The following FKBP11 variants were observed in gnomAD, a reference collection of about 807,000 sequenced individuals.
FKBP11 encodes the protein peptidyl-prolyl cis-trans isomerase FKBP11.
Under a neutral mutation model 24.7 loss-of-function variants are expected in FKBP11, and 21 were observed. That is an observed-to-expected ratio of 0.85 (90% CI 0.60 to 1.23). The LOEUF is 1.23. Ranked by LOEUF, FKBP11 falls within the 50% of genes most tolerant of loss-of-function variation. The pLI, the probability that FKBP11 is intolerant of heterozygous loss-of-function variation, is 0.00. For synonymous variants in FKBP11, 106 were observed against 100.6 expected, an observed-to-expected ratio of 1.05 and a Z score of -0.32; for missense variants, 245 against 248.7, an observed-to-expected ratio of 0.99 and a Z score of 0.10.
At chr12:48,937,456 C>G in the FKBP11 span, 2 of 152,554 alleles carry the variant, frequency 1.3e-5, no homozygotes, top group Non-Finnish European at 2.9e-5. Flanking sequence ...GACAGAGAGA[C>G]GCAGTAGCAA....
chr12:48,927,710 T>C (rs1026826435), upstream of FKBP11, among the ~76,000 whole-genome samples: 9 of 152,162 alleles, frequency 5.9e-5, no homozygotes, highest in Admixed American at 1.3e-4. Flanking sequence ...TCATCTTTCC[T>C]TCCTTCTGTC....
chr12:48,924,382 C>A, intron 3 of FKBP11, 126 bp from the exon 4 acceptor site: 1 of 1,314,504 alleles, frequency 7.6e-7, no homozygotes, highest in Non-Finnish European at 1.1e-6. Flanking sequence ...TCTCTGGCTT[C>A]CAATAGGATA....
upstream of FKBP11, among the ~76,000 whole-genome samples, chr12:48,928,814 C>CTTTTT (rs1940013193): frequency 8.3e-6 from 1 of 120,332 alleles, no homozygotes; most frequent in African/African-American, 3.0e-5. Flanking sequence ...AAATAAACTT[C>CTTTTT]TATCTTTTTT....
Position 48,924,637 on chromosome 12 carries a change from T to G in FKBP11, c.207A>C (p.Val69=). 6.2e-7 allele frequency: 1 copy of G among 1,613,994 alleles called. No homozygotes were observed. The highest frequency in any genetic ancestry group is 1.1e-5 in the South Asian group (1 of 91,068). Residue 69 remains valine (V), a synonymous_variant, in exon 3 of 6, where the codon GTA becomes GTC. Coordinates refer to ENST00000550765, the MANE Select transcript of FKBP11 (RefSeq NM_016594.3). The part of the protein sequence containing the change: ...TLHIHYTGSL[V]DGRIIDTSLT... ...GGGAGGTGTCAATAATACGTCCATC[T>G]ACCAAGCTTCCCTGGGGGGAGAGAG...
chr12:48,924,796 C>A, intron 2 of FKBP11, 148 bp from the exon 3 acceptor site: 1 of 1,462,742 alleles, frequency 6.8e-7, no homozygotes, highest in Non-Finnish European at 9.0e-7. Flanking sequence ...CAGGAAGCCC[C>A]AGAAGGCTGG....
chr12:48,938,452 A>C, the FKBP11 span: 1 of 453,458 alleles, frequency 2.2e-6, no homozygotes, highest in East Asian at 7.0e-5. Flanking sequence ...CCCCACAAAT[A>C]TATCTCTCTA....
upstream of FKBP11, among the ~76,000 whole-genome samples, chr12:48,929,398 T>A (rs915075916): frequency 2.0e-5 from 3 of 152,056 alleles, no homozygotes; most frequent in Non-Finnish European, 4.4e-5. Flanking sequence ...CAGTAAGCCA[T>A]GATCACGCCA....
intron 5 of FKBP11, chr12:48,922,568 G>C: frequency 9.9e-7 from 1 of 1,006,482 alleles, no homozygotes; most frequent in Non-Finnish European, 1.2e-6. Flanking sequence ...TCTTTGCAGG[G>C]CTGAAATTAA....
At position 48,925,455 on chromosome 12, in the gene FKBP11, G is replaced by A; in HGVS notation, c.-27C>T. Reference sequence around the variant, plus strand: ...ACTGGGCGCGGGGCAGGGAGCCGGGGCACCAGGACAGGCTGTTCGGGTGGC... The same window carrying A: ...ACTGGGCGCGGGGCAGGGAGCCGGGACACCAGGACAGGCTGTTCGGGTGGC... On this transcript the variant is annotated 5_prime_UTR_variant, in exon 1 of 6. Transcript: ENST00000550765. 10 of 1,545,476 alleles carry A rather than the reference G, an allele frequency of 6.5e-6. No homozygotes were observed. The highest frequency in any genetic ancestry group is 8.7e-6 in the Non-Finnish European group (10 of 1,146,956).
At chr12:48,927,576 T>C (rs1053953198), upstream of FKBP11, among the ~76,000 whole-genome samples, 8 of 152,164 alleles carry the variant, frequency 5.3e-5, no homozygotes, top group East Asian at 1.5e-3. Context: ...ATATGGCCAG[T>C]TGACTAAGTT....
chr12:48,933,657 C>T, the FKBP11 span, among the ~76,000 whole-genome samples: 12 of 150,872 alleles, frequency 8.0e-5, no homozygotes, highest in Non-Finnish European at 1.8e-4. Flanking sequence ...GCCGAGATCA[C>T]GCCATTGCAC....
At chr12:48,922,423 C>G in intron 5 of FKBP11, 2 of 724,342 alleles carry the variant, frequency 2.8e-6, no homozygotes, top group Non-Finnish European at 4.0e-6. Flanking sequence ...TGGCTTGGGT[C>G]CAGTGACAAG....
chr12:48,936,028 C>T, the FKBP11 span: 5 of 152,210 alleles, frequency 3.3e-5, no homozygotes, highest in Admixed American at 1.3e-4. Flanking sequence ...GAAGAAATAA[C>T]CAGTGTGGAG....
chr12:48,923,976 T>C (rs565193144), intron 4 of FKBP11, 124 bp from the exon 5 acceptor site: 1 of 1,041,020 alleles, frequency 9.6e-7, no homozygotes, highest in African/African-American at 1.6e-5. Flanking sequence ...TTTTTCCACC[T>C]GAACACCAAA....
chr12:48,927,830 A>G (rs1452535445), upstream of FKBP11, among the ~76,000 whole-genome samples: 1 of 152,154 alleles, frequency 6.6e-6, no homozygotes, highest in Non-Finnish European at 1.5e-5. Flanking sequence ...AAAAAGAAGC[A>G]TAAGTCCTTG....
chr12:48,929,082 C>T (rs189608927), upstream of FKBP11, among the ~76,000 whole-genome samples: 1,522 of 151,518 alleles, frequency 0.01, 38 homozygotes, highest in African/African-American at 0.035. Context: ...CTGCCTCGGC[C>T]TCCCAAAGTG....
chr12:48,923,689 A>C (rs1939887704), intron 5 of FKBP11, 93 bp downstream of exon 5: 1 of 1,589,098 alleles, frequency 6.3e-7, no homozygotes, highest in Admixed American at 1.7e-5. Context: ...CTTGGTCTGG[A>C]TCTTCTCAAG....
At chr12:48,923,353 T>G in intron 5 of FKBP11, 2 of 1,430,410 alleles carry the variant, frequency 1.4e-6, no homozygotes, top group Non-Finnish European at 1.8e-6. Context: ...GCTTTTTGTT[T>G]TGTTTTGAAT....
the FKBP11 span, among the ~76,000 whole-genome samples, chr12:48,932,255 ATATATATTTTTTTTTTTT>A: frequency 2.9e-4 from 11 of 37,600 alleles, no homozygotes; most frequent in East Asian, 1.2e-3. Flanking sequence ...ATATATATAT[ATATATATTTTTTTTTTTT>A]TTTTTTTTTT....
Sources: allele counts gnomAD v4.1 joint callset (sites outside exome capture counted in the v4.1 genomes callset), GRCh38; gene constraint gnomAD v4.1.1; transcripts MANE v1.5; gene names NCBI Gene and HGNC (gene_info 2026-07-23, HGNC 2026-07-21).